Variants in PRKN observed in about 807,000 individuals in gnomAD.
PRKN encodes the protein E3 ubiquitin-protein ligase parkin.
A neutral mutation model predicts 59.5 loss-of-function variants in PRKN; 56 were observed. That is an observed-to-expected ratio of 0.94 (90% confidence interval 0.76 to 1.18). The LOEUF is 1.18. PRKN is among the 50% of genes most tolerant of loss of function. The pLI is 0.00. For missense variants in PRKN, 657 were observed against 596.4 expected, an observed-to-expected ratio of 1.10 and a Z score of -1.06; for synonymous variants, 250 against 222.1, an observed-to-expected ratio of 1.13 and a Z score of -1.12.
In PRKN at chr6:161,874,251, T is replaced by A. The variant is rs1386171375; in HGVS notation, c.735-88343A>T. ...TATATATAATATATAATATATAATA[T>A]ATATTATATGTAAAATATATAATAT... On this transcript the variant is annotated intron_variant, in intron 6 of 11. Coordinates refer to ENST00000366898, the MANE Select transcript of PRKN (RefSeq NM_004562.3). Among the ~76,000 whole-genome samples the A allele has an allele frequency of 1.1e-3, 27 of 23,846 alleles. 5 individuals carry two copies. Among genetic ancestry groups the A allele is most frequent in the African/African-American group, 1.8e-3 (17 of 9,386 alleles). The allele number at this position is 23,846 out of a possible 152,430, so 15.6% of individuals were successfully genotyped here.
chr6:162,707,786 G>A (rs562549394), intron 1 of PRKN, among the ~76,000 whole-genome samples: 2 of 152,316 alleles, frequency 1.3e-5, no homozygotes, highest in South Asian at 4.1e-4. Context: ...TGTTGGCCAA[G>A]CTGGTCTCGA....
chr6:162,347,872 A>G (rs1009974315), intron 2 of PRKN, among the ~76,000 whole-genome samples: 1 of 152,208 alleles, frequency 6.6e-6, no homozygotes, highest in African/African-American at 2.4e-5. Context: ...CCTAAGAGAC[A>G]GAAACAAATA....
chr6:162,295,146 C>T (rs1448622966), intron 2 of PRKN, among the ~76,000 whole-genome samples: 1 of 152,196 alleles, frequency 6.6e-6, no homozygotes, highest in East Asian at 1.9e-4. Context: ...TTCGCTGGTG[C>T]TGGGGCTTGT....
Position 161,460,164 on chromosome 6 carries a change from G to A in PRKN, c.1084-73287C>T, listed in dbSNP as rs1242783919. Among the ~76,000 whole-genome samples, 1 of 152,142 alleles carries A rather than the reference G, an allele frequency of 6.6e-6. No individual in the cohort carries two copies. The highest frequency in any genetic ancestry group is 1.5e-5 in the Non-Finnish European group (1 of 68,030). The stretch of plus-strand genomic sequence containing the variant: ...TCATCTGCTTAGAGGACAGATTTTG[G>A]TGGTAATACAACCAAAGTTTATAAT... On this transcript the variant is annotated intron_variant, in intron 9 of 11. Coordinates refer to ENST00000366898, the MANE Select transcript of PRKN (RefSeq NM_004562.3). This position sits in a 1 kb window ranked among gnomAD's most constrained non-coding sequence, Gnocchi z 5.0.
At chr6:161,905,545 C>T (rs893184255) in intron 6 of PRKN, among the ~76,000 whole-genome samples, 1 of 152,190 alleles carries the variant, frequency 6.6e-6, no homozygotes, top group African/African-American at 2.4e-5. Context: ...GTCTCGTTAA[C>T]TGACTGCTCT....
chr6:161,794,393 C>T (rs1009063279), intron 6 of PRKN, among the ~76,000 whole-genome samples: 4 of 152,144 alleles, frequency 2.6e-5, no homozygotes, highest in African/African-American at 7.2e-5. Flanking sequence ...TTCTCACGAG[C>T]GTCTGTCTGG....
At chr6:161,997,601 G>T (rs1462291802) in intron 5 of PRKN, among the ~76,000 whole-genome samples, 2 of 152,104 alleles carry the variant, frequency 1.3e-5, no homozygotes, top group Non-Finnish European at 2.9e-5. Context: ...AATCAGTTGG[G>T]TCAATCTGTC....
At chr6:162,351,254 T>C (rs1232425358) in intron 2 of PRKN, among the ~76,000 whole-genome samples, 2 of 151,674 alleles carry the variant, frequency 1.3e-5, no homozygotes, top group Non-Finnish European at 2.9e-5. Context: ...AACAACCCAA[T>C]AAAAAAATGG....
chr6:162,545,254 C>G (rs1779074195), intron 1 of PRKN, among the ~76,000 whole-genome samples: 1 of 152,034 alleles, frequency 6.6e-6, no homozygotes, highest in African/African-American at 2.4e-5. Context: ...CGCCACTGCA[C>G]TCCAGCCTGG....
rs190436002 is a variant in PRKN at position 161,867,818 on chromosome 6, C to A, written c.735-81910G>T. Among the ~76,000 whole-genome samples the A allele has an allele frequency of 6.0e-3, 910 of 151,380 alleles. 10 individuals carry two copies. Among genetic ancestry groups the A allele is most frequent in the African/African-American group, 0.021 (869 of 41,230 alleles). ...CTCTGTCACCCAGGCTGGAGTGCAG[C>A]GGCACAATCTTGGCTCAGTGAAACC... On this transcript the variant is annotated intron_variant, in intron 6 of 11. Coordinates refer to ENST00000366898, the MANE Select transcript of PRKN (RefSeq NM_004562.3).
Position 161,562,345 on chromosome 6 carries a change from C to T in PRKN, c.933+7010G>A, listed in dbSNP as rs1232561474. On this transcript the variant is annotated intron_variant, in intron 8 of 11. Transcript: ENST00000366898. The surrounding 1 kb of genome is among the most constrained non-coding windows in gnomAD (Gnocchi z 4.3). ...TCTCAGCTTCCTCAACACCATATGG[C>T]CCTGGATTGTCTTCTACTTTCCTTG... is the stretch of plus-strand genomic sequence containing the variant. 6.6e-6 allele frequency among the ~76,000 whole-genome samples: 1 copy of T among 152,212 alleles called. No individual in the cohort carries two copies. The highest frequency in any genetic ancestry group is 1.9e-4 in the East Asian group (1 of 5,194).
At chr6:162,449,245 G>T (rs1790475220) in intron 1 of PRKN, among the ~76,000 whole-genome samples, 1 of 152,168 alleles carries the variant, frequency 6.6e-6, no homozygotes, top group Non-Finnish European at 1.5e-5. Context: ...CGGATGTCCA[G>T]TAGATAAATA....
intron 5 of PRKN, among the ~76,000 whole-genome samples, chr6:162,010,347 ATACATTTAT>A (rs1302236424): frequency 8.3e-6 from 1 of 120,692 alleles, no homozygotes; most frequent in Non-Finnish European, 1.6e-5. Context: ...TATAAATAAT[ATACATTTAT>A]TATATGTAAT....
chr6:162,147,326 G>C (rs527332445), intron 4 of PRKN, among the ~76,000 whole-genome samples: 45 of 133,846 alleles, frequency 3.4e-4, no homozygotes, highest in Non-Finnish European at 5.7e-4. Context: ...CTGGGTGACA[G>C]AGGAAGACTC....
At chr6:161,785,973 A>G (rs1790403690) in intron 6 of PRKN, 65 bp from the exon 7 acceptor site, 13 of 1,545,706 alleles carry the variant, frequency 8.4e-6, no homozygotes, top group Non-Finnish European at 1.1e-5. Context: ...CACGTGCTTT[A>G]GACCAATTTC....
At chr6:161,938,932 A>G (rs1387454403) in intron 6 of PRKN, among the ~76,000 whole-genome samples, 1 of 152,218 alleles carries the variant, frequency 6.6e-6, no homozygotes, top group African/African-American at 2.4e-5. Flanking sequence ...ACATCTGACT[A>G]GTTTCCTCAA....
chr6:162,576,349 A>C (rs1238077365), intron 1 of PRKN, among the ~76,000 whole-genome samples: 2 of 152,218 alleles, frequency 1.3e-5, no homozygotes, highest in Non-Finnish European at 2.9e-5. Flanking sequence ...ACAAACACTA[A>C]ATGTAAACAA....
At position 161,429,099 on chromosome 6, in the gene PRKN, C is replaced by T. The variant is rs1788528827; in HGVS notation, c.1084-42222G>A. Among the ~76,000 whole-genome samples the T allele has an allele frequency of 6.6e-6, 1 of 152,188 alleles. No homozygotes were observed. The highest frequency in any genetic ancestry group is 1.5e-5 in the Non-Finnish European group (1 of 68,040). On this transcript the variant is annotated intron_variant, in intron 9 of 11. Coordinates refer to ENST00000366898, the MANE Select transcript of PRKN (RefSeq NM_004562.3). This position sits in a 1 kb window ranked among gnomAD's most constrained non-coding sequence, Gnocchi z 4.2. ...CACCTGCAGATGGCACCTTTGCTAA[C>T]CTTGATTGTGCCTTGAGATATTCAC...
At chr6:161,757,800 TG>T (rs1313883113) in intron 7 of PRKN, among the ~76,000 whole-genome samples, 1 of 133,562 alleles carries the variant, frequency 7.5e-6, no homozygotes, top group Non-Finnish European at 1.6e-5. Flanking sequence ...ATCGCACCAT[TG>T]CACTCCAGCC....
Sources: gnomAD v4.1 joint callset for allele counts (sites outside exome capture counted in the v4.1 genomes callset) on GRCh38, gnomAD v4.1.1 for gene constraint, Gnocchi (gnomAD v3.1) non-coding constraint, MANE v1.5 for transcripts, NCBI Gene and HGNC (gene_info 2026-07-23, HGNC 2026-07-21) for gene names.